EYS: variants seen among roughly 807,000 people sequenced by gnomAD.
The protein encoded by EYS is EGF-like photoreceptor maintenance factor.
EYS carries 250 observed loss-of-function variants against 282.1 expected under a neutral mutation model. The ratio of observed to expected loss-of-function variants is 0.89; its 90% CI spans 0.80 to 0.98. The LOEUF is 0.98. EYS is among the 50% of genes least tolerant of loss of function. EYS has a pLI of 0.00. For missense variants in EYS, 4,016 were observed against 3,709.0 expected, an observed-to-expected ratio of 1.08 and a Z score of -2.15; for synonymous variants, 1,355 against 1,282.9, an observed-to-expected ratio of 1.06 and a Z score of -1.20.
intron 35 of EYS, among the ~76,000 whole-genome samples, chr6:63,887,267 A>G (rs1018536729): frequency 6.6e-6 from 1 of 152,130 alleles, no homozygotes; most frequent in Non-Finnish European, 1.5e-5. Context: ...TTAAGTGACT[A>G]AAACTGAGAA....
At chr6:63,985,399 G>GT (rs1336388293) in intron 34 of EYS, among the ~76,000 whole-genome samples, 1 of 151,684 alleles carries the variant, frequency 6.6e-6, no homozygotes, top group East Asian at 1.9e-4. Context: ...TGTAAGAACT[G>GT]TAAGACATTT....
At position 65,385,994 on chromosome 6, in the gene EYS, C is replaced by T. The variant is rs1765785613; in HGVS notation, c.1185-1494G>A. On this transcript the variant is annotated intron_variant, in intron 7 of 42. Transcript: ENST00000503581. The stretch of plus-strand genomic sequence containing the variant: ...TGGAATGGACTGAATTGGCCAAGAG[C>T]AGTTAAAGACACATGTGACTTTCGG... Among the ~76,000 whole-genome samples the T allele has an allele frequency of 2.0e-5, 3 of 151,788 alleles. No individual in the cohort carries two copies. The South Asian group carries it at 6.2e-4, about 31-fold the overall frequency.
chr6:64,424,699 T>C (rs984887138), intron 28 of EYS, among the ~76,000 whole-genome samples: 1 of 152,188 alleles, frequency 6.6e-6, no homozygotes, highest in Non-Finnish European at 1.5e-5. Context: ...TTATTTAACA[T>C]TTATTTATTA....
intron 33 of EYS, among the ~76,000 whole-genome samples, chr6:64,031,749 T>A (rs1769853144): frequency 1.3e-5 from 2 of 151,982 alleles, no homozygotes; most frequent in South Asian, 4.1e-4. Flanking sequence ...TGGTGACACG[T>A]GTGTCTAGCT....
In EYS at chr6:64,590,968, T is replaced by G. The variant is rs747598607; in HGVS notation, c.4899A>C (p.Lys1633Asn). 1 of 1,551,226 alleles carries G rather than the reference T, an allele frequency of 6.4e-7. No homozygotes were observed. The highest frequency in any genetic ancestry group is 1.2e-5 in the South Asian group (1 of 84,062). ...FTEVPSLFPS[K>N]KSAKRTILSS... ...ATAAAATTGTTCTTTTTGCACTCTT[T>G]TTAGAAGGAAATAAAGATGGCACTT... is the stretch of plus-strand genomic sequence containing the variant. The change falls in exon 26 of 43, where the codon AAA becomes AAC. Residue 1633 changes from lysine (K) to asparagine (N), a missense_variant. Lys to Asn is a moderately conservative substitution (Grantham distance 94, BLOSUM62 0). Coordinates refer to ENST00000503581, the MANE Select transcript of EYS (RefSeq NM_001142800.2).
intron 14 of EYS, among the ~76,000 whole-genome samples, chr6:64,970,315 T>C (rs1770246074): frequency 6.6e-6 from 1 of 152,134 alleles, no homozygotes; most frequent in Non-Finnish European, 1.5e-5. Flanking sequence ...ATAGTGCTCA[T>C]ACATCCCGAG....
intron 22 of EYS, among the ~76,000 whole-genome samples, chr6:64,757,362 C>G (rs1772975650): frequency 6.6e-6 from 1 of 152,134 alleles, no homozygotes; most frequent in Non-Finnish European, 1.5e-5. Context: ...AGTGCACTGC[C>G]TTGGAATTAT....
chr6:65,041,949 A>T (rs537506826), intron 13 of EYS, among the ~76,000 whole-genome samples: 1 of 151,762 alleles, frequency 6.6e-6, no homozygotes, highest in African/African-American at 2.4e-5. Flanking sequence ...GTAGCATCTC[A>T]CTTCTAGGTA....
chr6:64,079,189 A>G (rs1771875216), intron 32 of EYS, among the ~76,000 whole-genome samples: 1 of 152,068 alleles, frequency 6.6e-6, no homozygotes, highest in South Asian at 2.1e-4. Flanking sequence ...TATAAAAAAC[A>G]AGTTTTTCTT....
At chr6:64,139,361 A>G (rs182593573) in intron 31 of EYS, among the ~76,000 whole-genome samples, 235 of 152,290 alleles carry the variant, frequency 1.5e-3, no homozygotes, top group Admixed American at 4.1e-3. Context: ...CAAAGAAGAC[A>G]TACATTCTAG....
chr6:64,687,838 T>A (rs1770213886), intron 22 of EYS, among the ~76,000 whole-genome samples: 1 of 152,208 alleles, frequency 6.6e-6, no homozygotes, highest in Non-Finnish European at 1.5e-5. Flanking sequence ...CGGCAGTGAA[T>A]CAGTCTGGTC....
chr6:64,494,972 T>G (rs962674791), intron 26 of EYS, among the ~76,000 whole-genome samples: 1 of 151,734 alleles, frequency 6.6e-6, no homozygotes, highest in Admixed American at 6.6e-5. Flanking sequence ...GTACCACTCT[T>G]GATTATTCTG....
intron 36 of EYS, among the ~76,000 whole-genome samples, chr6:63,843,050 C>T (rs1581882936): frequency 6.6e-6 from 1 of 152,088 alleles, no homozygotes; most frequent in South Asian, 2.1e-4. Flanking sequence ...GTGATGCCTC[C>T]AGTTTTGTTC....
chr6:64,993,136 C>A (rs1256297832), intron 14 of EYS, among the ~76,000 whole-genome samples: 1 of 152,070 alleles, frequency 6.6e-6, no homozygotes, highest in Admixed American at 6.6e-5. Flanking sequence ...GATTGATCCA[C>A]CTCCAGTGTT....
chr6:64,540,992 G>A (rs897801734), intron 26 of EYS, among the ~76,000 whole-genome samples: 3 of 152,114 alleles, frequency 2.0e-5, no homozygotes, highest in Non-Finnish European at 2.9e-5. Context: ...GTTGCTCCAC[G>A]GCGGCTGAGT....
chr6:64,620,740 C>A (rs1767420732), intron 23 of EYS, among the ~76,000 whole-genome samples: 1 of 152,016 alleles, frequency 6.6e-6, no homozygotes, highest in African/African-American at 2.4e-5. Context: ...AATATATTTT[C>A]TTTTGAATCT....
At chr6:64,152,586 CT>C (rs1469646578) in intron 31 of EYS, among the ~76,000 whole-genome samples, 1 of 152,086 alleles carries the variant, frequency 6.6e-6, no homozygotes, top group African/African-American at 2.4e-5. Context: ...TTTAACCTAG[CT>C]TTTAGAAGCA....
chr6:65,545,872 G>T (rs1768365508), intron 2 of EYS, among the ~76,000 whole-genome samples: 1 of 152,074 alleles, frequency 6.6e-6, no homozygotes, highest in South Asian at 2.1e-4. Flanking sequence ...TACAAGATTT[G>T]ATGCTGATTG....
At chr6:64,198,206 A>C (rs1765354817) in intron 31 of EYS, among the ~76,000 whole-genome samples, 1 of 146,560 alleles carries the variant, frequency 6.8e-6, no homozygotes, top group African/African-American at 2.5e-5. Flanking sequence ...ACGGGGTTTC[A>C]TCGTGTTTGC....
Sources: gnomAD v4.1 joint callset for allele counts (sites outside exome capture counted in the v4.1 genomes callset) on GRCh38, gnomAD v4.1.1 for gene constraint, MANE v1.5 for transcripts, NCBI Gene and HGNC (gene_info 2026-07-23, HGNC 2026-07-21) for gene names.